The following ZNF534 variants were observed in gnomAD, a reference collection of about 807,000 sequenced individuals.
ZNF534 encodes KRAB domain only 3.
ZNF534 carries 19 observed loss-of-function variants against 13.6 expected under a neutral mutation model. The ratio of observed to expected loss-of-function variants is 1.40; its 90% CI spans 0.97 to 2.05. The LOEUF (loss-of-function observed/expected upper bound fraction) is 2.05, where lower values mean the gene tolerates loss of function less well. ZNF534 is among the 30% of genes most tolerant of loss of function. ZNF534 has a pLI of 0.00. For missense variants in ZNF534, 782 were observed against 796.3 expected, an observed-to-expected ratio of 0.98 and a Z score of 0.22; for synonymous variants, 244 against 273.8, an observed-to-expected ratio of 0.89 and a Z score of 1.07.
chr19:52,439,004 T>G lies in ZNF534; in HGVS notation c.1544T>G (p.Ile515Ser), dbSNP rs935943350. The change falls in exon 5 of 5, where the codon ATT becomes AGT. Residue 515 changes from isoleucine (I) to serine (S), a missense_variant. Transcript: ENST00000433050. ...QNSHLAQHRD[I>S]HTGEKPYSCN... ...TCACACCTTGCACAACATAGGGATATTCATACTGGAGAGAAGCCTTACAGT... is the reference window on the plus strand; with the variant it reads ...TCACACCTTGCACAACATAGGGATAGTCATACTGGAGAGAAGCCTTACAGT... The G allele has an allele frequency of 8.7e-6, 14 of 1,603,618 alleles. No individual in the cohort carries two copies. The African/African-American group carries it at 1.7e-4, about 20-fold the overall frequency.
rs939841425 is a variant in ZNF534, at chr19:52,441,266, G to A, written c.*1820G>A. Among the ~76,000 whole-genome samples the A allele has an allele frequency of 1.3e-5, 2 of 152,162 alleles. No individual in the cohort carries two copies. Among genetic ancestry groups the A allele is most frequent in the African/African-American group, 4.8e-5 (2 of 41,454 alleles). On this transcript the variant is annotated 3_prime_UTR_variant, in exon 5 of 5. Coordinates refer to ENST00000433050, the MANE Select transcript of ZNF534 (RefSeq NM_001143938.3). Reference sequence around the variant, plus strand: ...ATGGTGGCTCACACCTATAATCCCAGCCCTTTGGGAGGCCAAGGTGAGAGG... The same window carrying A: ...ATGGTGGCTCACACCTATAATCCCAACCCTTTGGGAGGCCAAGGTGAGAGG...
In ZNF534 at chr19:52,441,354, A is replaced by C. The variant is rs948395580; in HGVS notation, c.*1908A>C. Among the ~76,000 whole-genome samples, 3 of 152,196 alleles carry C rather than the reference A, an allele frequency of 2.0e-5. No homozygotes were observed. Among genetic ancestry groups the C allele is most frequent in the African/African-American group, 7.2e-5 (3 of 41,452 alleles). ...ACATAAGGACAACTCCATCTCTACA[A>C]ATAATAAAAAATTAGCCAGGTGTGT... On this transcript the variant is annotated 3_prime_UTR_variant, in exon 5 of 5. Coordinates refer to ENST00000433050, the MANE Select transcript of ZNF534 (RefSeq NM_001143938.3).
chr19:52,438,594 A>C lies in ZNF534; in HGVS notation c.1134A>C (p.Gly378=), dbSNP rs1366259. Residue 378 remains glycine (G), a synonymous_variant, in exon 5 of 5, where the codon GGA becomes GGC. Coordinates refer to ENST00000433050, the MANE Select transcript of ZNF534 (RefSeq NM_001143938.3). ...CAAGGCATCGGAAAGTTCATACTGG[A>C]GAGAAACCTTACAAATGTAATGAGT... is the stretch of plus-strand genomic sequence containing the variant. ...FLARHRKVHT[G]EKPYKCNECG... The C allele has an allele frequency of 6.3e-7, 1 of 1,588,652 alleles. No homozygotes were observed. The highest frequency in any genetic ancestry group is 8.6e-7 in the Non-Finnish European group (1 of 1,166,546).
At chr19:52,450,698 T>G (rs1485075979) in intron 4 of ZNF534, among the ~76,000 whole-genome samples, 1 of 51,158 alleles carries the variant, frequency 2.0e-5, no homozygotes, top group South Asian at 5.3e-4. Context: ...TTTGTTTTTG[T>G]TTTTTTTTTT....
intron 1 of ZNF534, among the ~76,000 whole-genome samples, chr19:52,431,188 C>A (rs1327496113): frequency 6.6e-6 from 1 of 152,182 alleles, no homozygotes; most frequent in Non-Finnish European, 1.5e-5. Context: ...TCAAGCCCAG[C>A]TCTGCACTGC....
Position 52,439,587 on chromosome 19 carries a change from CAAAA to C in ZNF534, c.*160_*163del, listed in dbSNP as rs75248649. ...TGAAACCCCATCTCTACTAAAAATA[CAAAA>C]AAAAAAAAAAAAAAAAAATTAGCTG... On this transcript the variant is annotated 3_prime_UTR_variant, in exon 5 of 5. Coordinates refer to ENST00000433050, the MANE Select transcript of ZNF534 (RefSeq NM_001143938.3). 89 of 504,138 alleles carry C rather than the reference CAAAA, an allele frequency of 1.8e-4. No individual in the cohort carries two copies. Among genetic ancestry groups the C allele is most frequent in the African/African-American group, 1.5e-3 (68 of 46,866 alleles). The allele number at this position is 504,138 out of a possible 1,614,324, so 31.2% of individuals were successfully genotyped here.
At position 52,438,027 on chromosome 19, in the gene ZNF534, T is replaced by C. The variant is rs1167017358; in HGVS notation, c.567T>C (p.Asn189=). 10 of 1,614,022 alleles carry C rather than the reference T, an allele frequency of 6.2e-6. No homozygotes were observed. The highest frequency in any genetic ancestry group is 8.5e-6 in the Non-Finnish European group (10 of 1,180,044). ...TTAGGGAAAAGCCTTATGGATGTAA[T>C]GAGCATGGGAAAGTCTTCAGAGTGT... The part of the protein sequence containing the change: ...VHIREKPYGC[N]EHGKVFRVSS... The change falls in exon 5 of 5, where the codon AAT becomes AAC. Residue 189 remains asparagine, a synonymous_variant. Coordinates refer to ENST00000433050, the MANE Select transcript of ZNF534 (RefSeq NM_001143938.3).
downstream of ZNF534, among the ~76,000 whole-genome samples, chr19:52,446,555 T>TAAA (rs10656804): frequency 1.3e-4 from 20 of 151,412 alleles, no homozygotes; most frequent in East Asian, 1.9e-4. Context: ...GTGAGTGCTT[T>TAAA]AAAAAAAATC....
rs751781020 is a variant in ZNF534 at position 52,438,506 on chromosome 19, C to A, written c.1046C>A (p.Thr349Asn). Reference sequence around the variant, plus strand: ...CTAACCACTCATCAGACAGTTCATACTGGAGAGAGACCATACAAATGTAAT... The same window carrying A: ...CTAACCACTCATCAGACAGTTCATAATGGAGAGAGACCATACAAATGTAAT... The part of the protein sequence containing the change: ...SSLTTHQTVH[T>N]GERPYKCNEC... The change falls in exon 5 of 5, where the codon ACT becomes AAT. Residue 349 changes from threonine to asparagine, a missense_variant. By Grantham distance (65) the Thr-to-Asn change is moderately conservative. This residue lies in a region of ZNF534 where 591 missense variants were observed against 574.0 expected (regional missense o/e 1.03). Coordinates refer to ENST00000433050, the MANE Select transcript of ZNF534 (RefSeq NM_001143938.3). 2.5e-6 allele frequency: 4 copies of A among 1,589,740 alleles called. No homozygotes were observed. In the Admixed American group the frequency reaches 5.4e-5, roughly 22 times the overall value.
chr19:52,447,124 TC>T (rs2059197246), downstream of ZNF534, among the ~76,000 whole-genome samples: 1 of 152,168 alleles, frequency 6.6e-6, no homozygotes, highest in African/African-American at 2.4e-5. Flanking sequence ...CCTGCATCTT[TC>T]TTATACTGAC....
chr19:52,451,376 C>A, exon 5 of ZNF534: 2 of 920,214 alleles, frequency 2.2e-6, no homozygotes, highest in Admixed American at 2.0e-5. Flanking sequence ...AGGCTCACGG[C>A]AGAGGGCCGA....
In ZNF534 at chr19:52,438,825, T is replaced by A; in HGVS notation, c.1365T>A (p.Tyr455Ter). Residue 455 changes from tyrosine (Y) to a stop codon, truncating the protein, a stop_gained, in exon 5 of 5, where the codon TAT (tyrosine) becomes TAA (stop). Coordinates refer to ENST00000433050, the MANE Select transcript of ZNF534 (RefSeq NM_001143938.3). LOFTEE classifies it low-confidence loss of function (END_TRUNC). ...TCAGGCACAAGTCTTCCCTAACCTA[T>A]CACTGTAGAATTCATACTGGAGAGA... ...KVFRHKSSLT[Y>*]HCRIHTGEKP... The A allele has an allele frequency of 6.8e-6, 11 of 1,610,894 alleles. No individual in the cohort carries two copies. Among genetic ancestry groups the A allele is most frequent in the Non-Finnish European group, 9.3e-6 (11 of 1,178,570 alleles).
chr19:52,445,889 G>A (rs2059192849), downstream of ZNF534, among the ~76,000 whole-genome samples: 1 of 152,090 alleles, frequency 6.6e-6, no homozygotes, highest in Non-Finnish European at 1.5e-5. Flanking sequence ...CTTATTATAT[G>A]TATAATTTCC....
chr19:52,434,405 C>T (rs2059114669), intron 3 of ZNF534, among the ~76,000 whole-genome samples: 1 of 135,532 alleles, frequency 7.4e-6, no homozygotes, highest in Non-Finnish European at 1.5e-5. Flanking sequence ...GCGGAGCTTG[C>T]AGTGAGCCAA....
chr19:52,437,645 A>C, intron 4 of ZNF534, 87 bp from the exon 5 acceptor site: 3 of 1,269,700 alleles, frequency 2.4e-6, no homozygotes, highest in South Asian at 3.3e-5. Flanking sequence ...TCAATGTCTG[A>C]GTGAAGTGAT....
intron 3 of ZNF534, 25 bp from the exon 4 acceptor site, chr19:52,435,056 A>AT (rs777906214): frequency 6.2e-7 from 1 of 1,608,182 alleles, no homozygotes; most frequent in South Asian, 1.1e-5. Flanking sequence ...CACAGCACAC[A>AT]TTTATTCTTT....
intron 2 of ZNF534, among the ~76,000 whole-genome samples, chr19:52,433,596 G>A (rs911580689): frequency 8.5e-5 from 13 of 152,102 alleles, no homozygotes; most frequent in East Asian, 1.9e-4. Flanking sequence ...TTGATCTCCT[G>A]ACCTCGTGAT....
downstream of ZNF534, among the ~76,000 whole-genome samples, chr19:52,446,508 T>C (rs535494815): frequency 2.0e-5 from 3 of 151,956 alleles, no homozygotes; most frequent in Non-Finnish European, 4.4e-5. Context: ...CATCATTTTA[T>C]TGGTTCCCTA....
At position 52,435,933 on chromosome 19, in the gene ZNF534, CTTCTTCTT is replaced by C. The variant is rs1403380790; in HGVS notation, c.271+727_271+734del. 2.6e-3 allele frequency among the ~76,000 whole-genome samples: 46 copies of C among 17,534 alleles called. 8 individuals carry two copies. Among genetic ancestry groups the C allele is most frequent in the Non-Finnish European group, 0.013 (20 of 1,482 alleles). The allele number at this position is 17,534 out of a possible 152,430, so 11.5% of individuals were successfully genotyped here. A position where few individuals can be genotyped will look rare whatever the true frequency, so the allele number is the denominator to read the frequency against. ...CATTGATGTTTTTCTTATTTTTCTTCTTCTTCTTTTTTTTTTTTTTTTTGAGACCGTCT... is the reference window on the plus strand; with the variant it reads ...CATTGATGTTTTTCTTATTTTTCTTCTTTTTTTTTTTTTTTGAGACCGTCT... On this transcript the variant is annotated intron_variant, in intron 4 of 4. Coordinates refer to ENST00000433050, the MANE Select transcript of ZNF534 (RefSeq NM_001143938.3).
Sources: gnomAD v4.1 joint callset for allele counts (sites outside exome capture counted in the v4.1 genomes callset) on GRCh38, gnomAD v4.1.1 for gene constraint, gnomAD v4.1.1 regional missense constraint, MANE v1.5 for transcripts, NCBI Gene and HGNC (gene_info 2026-07-23, HGNC 2026-07-21) for gene names.